Variants in AFF3 observed in about 807,000 individuals in gnomAD.
AFF3 encodes the protein ALF transcription elongation factor 3, also known as AF4/FMR2 family member 3.
A neutral mutation model predicts 129.7 loss-of-function variants in AFF3; 32 were observed. That is an observed-to-expected ratio of 0.25 (90% confidence interval 0.19 to 0.33). AFF3 has a LOEUF of 0.33. Ranked by LOEUF, AFF3 falls within the 10% of genes least tolerant of loss-of-function variation. The pLI is 1.00. For synonymous variants in AFF3, 644 were observed against 635.4 expected (o/e 1.01, Z -0.20); for missense variants, 1,373 against 1,592.0 (o/e 0.86, Z 2.34).
rs17023426 is a variant in AFF3 at position 100,020,345 on chromosome 2, G to A, written c.54-11413C>T. On this transcript the variant is annotated intron_variant, in intron 4 of 24. Transcript: ENST00000672756. ...ACACTCCAGGCTCTGTGCAAAACCT[G>A]GTCTCTTCTCAAGTGACAGTCTTTA... 9.4e-3 allele frequency among the ~76,000 whole-genome samples: 1,425 copies of A among 151,986 alleles called. 18 individuals carry two copies. The highest frequency in any genetic ancestry group is 0.031 in the African/African-American group (1,301 of 41,448).
At chr2:99,619,008 A>G (rs1465841682) in intron 13 of AFF3, among the ~76,000 whole-genome samples, 2 of 152,118 alleles carry the variant, frequency 1.3e-5, no homozygotes, top group Non-Finnish European at 2.9e-5. Context: ...TGGCCTCCCA[A>G]AATGCTCGGA....
intron 7 of AFF3, among the ~76,000 whole-genome samples, chr2:99,999,872 C>T (rs754163574): frequency 8.5e-5 from 13 of 152,138 alleles, no homozygotes; most frequent in African/African-American, 2.7e-4. Context: ...GCTCTAGAAC[C>T]GGGCCAATTA....
intron 11 of AFF3, among the ~76,000 whole-genome samples, chr2:99,684,482 T>A (rs1289396211): frequency 1.3e-5 from 2 of 152,178 alleles, no homozygotes; most frequent in Non-Finnish European, 2.9e-5. Flanking sequence ...ACAAACATCA[T>A]AAGCAGATCG....
chr2:100,046,494 G>A (rs1177059969), intron 4 of AFF3, among the ~76,000 whole-genome samples: 3 of 152,160 alleles, frequency 2.0e-5, no homozygotes, highest in African/African-American at 7.2e-5. Flanking sequence ...TGGCACTGTT[G>A]GACTGGGCTG....
intron 5 of AFF3, among the ~76,000 whole-genome samples, chr2:100,008,553 A>G (rs1333437719): frequency 1.4e-4 from 22 of 152,234 alleles, no homozygotes; most frequent in Admixed American, 1.4e-3. Context: ...TGTATTATTG[A>G]TAAAAATCAC....
chr2:99,637,816 A>T (rs1197343884), intron 13 of AFF3, among the ~76,000 whole-genome samples: 6 of 152,214 alleles, frequency 3.9e-5, no homozygotes, highest in African/African-American at 1.4e-4. Context: ...TGGATACTTA[A>T]AATTTTTTTG....
At chr2:99,871,039 C>A (rs1424313880) in intron 7 of AFF3, among the ~76,000 whole-genome samples, 1 of 152,110 alleles carries the variant, frequency 6.6e-6, no homozygotes, top group Non-Finnish European at 1.5e-5. Flanking sequence ...TATTTGAACA[C>A]CAACATGACA....
chr2:99,968,703 G>T (rs566855062), intron 7 of AFF3, among the ~76,000 whole-genome samples: 1 of 152,266 alleles, frequency 6.6e-6, no homozygotes, highest in South Asian at 2.1e-4. Flanking sequence ...AAACACAAAG[G>T]GAGCCACAGG....
At chr2:99,650,796 A>ATG (rs142082185) in intron 12 of AFF3, among the ~76,000 whole-genome samples, 7,314 of 144,736 alleles carry the variant, frequency 0.051, 189 homozygotes, top group East Asian at 0.094. Context: ...ACTAAAATTA[A>ATG]TGTGTGTGTG....
chr2:99,558,041 C>CCCTGAGAT (rs1265018647), intron 22 of AFF3, among the ~76,000 whole-genome samples: 2 of 152,182 alleles, frequency 1.3e-5, no homozygotes, highest in African/African-American at 2.4e-5. Flanking sequence ...TAATTTCATT[C>CCCTGAGAT]CCTGAGATAA....
chr2:99,756,105 C>G (rs2105233402), intron 8 of AFF3, among the ~76,000 whole-genome samples: 1 of 152,286 alleles, frequency 6.6e-6, no homozygotes, highest in Middle Eastern at 3.4e-3. Flanking sequence ...CCAGGTGGTT[C>G]TGGATCCTCA....
intron 18 of AFF3, among the ~76,000 whole-genome samples, chr2:99,571,048 G>A (rs753724479): frequency 6.6e-6 from 1 of 152,190 alleles, no homozygotes; most frequent in Non-Finnish European, 1.5e-5. Context: ...TTGCTGGTAC[G>A]TTTTTAGTAA....
chr2:99,889,144 T>G (rs1693346948), intron 7 of AFF3, among the ~76,000 whole-genome samples: 1 of 152,194 alleles, frequency 6.6e-6, no homozygotes, highest in South Asian at 2.1e-4. Flanking sequence ...TTTTTAAATT[T>G]TATAGATGTG....
At chr2:99,637,401 C>T (rs1410617074) in intron 13 of AFF3, among the ~76,000 whole-genome samples, 2 of 152,220 alleles carry the variant, frequency 1.3e-5, no homozygotes, top group Non-Finnish European at 2.9e-5. Flanking sequence ...TTCAGAAACA[C>T]ATACGGGCAC....
chr2:99,649,107 C>T (rs1373672112), intron 13 of AFF3, among the ~76,000 whole-genome samples: 1 of 151,970 alleles, frequency 6.6e-6, no homozygotes, highest in Non-Finnish European at 1.5e-5. Context: ...ATGAGGTTTA[C>T]ACATCTCATT....
intron 13 of AFF3, among the ~76,000 whole-genome samples, chr2:99,610,908 C>A (rs1421366755): frequency 1.3e-5 from 2 of 152,172 alleles, no homozygotes; most frequent in Non-Finnish European, 2.9e-5. Context: ...TCTTGTCCTT[C>A]TGGAACTCTG....
intron 8 of AFF3, among the ~76,000 whole-genome samples, chr2:99,776,839 T>C (rs112720717): frequency 2.6e-5 from 4 of 152,340 alleles, no homozygotes; most frequent in African/African-American, 9.6e-5. Flanking sequence ...CTGAGGCATC[T>C]GATAGCAGCC....
chr2:99,914,045 A>ATTT, intron 7 of AFF3, among the ~76,000 whole-genome samples: 1 of 152,284 alleles, frequency 6.6e-6, no homozygotes, highest in East Asian at 1.9e-4. Context: ...TGCTAAAAGT[A>ATTT]ATGTCTGAGA....
intron 7 of AFF3, among the ~76,000 whole-genome samples, chr2:99,838,875 G>A (rs762695271): frequency 6.6e-6 from 1 of 152,210 alleles, no homozygotes; most frequent in Non-Finnish European, 1.5e-5. Flanking sequence ...CATGCCCTGT[G>A]TCTGCCAGCT....
Sources: gnomAD v4.1 joint callset for allele counts (sites outside exome capture counted in the v4.1 genomes callset) on GRCh38, gnomAD v4.1.1 for gene constraint, MANE v1.5 for transcripts, NCBI Gene and HGNC (gene_info 2026-07-23, HGNC 2026-07-21) for gene names.